DNM3: variants seen among roughly 807,000 people sequenced by gnomAD.
The protein encoded by DNM3 is dynamin 3.
In DNM3, 47 loss-of-function variants were observed where a neutral mutation model predicts 101.6. The ratio of observed to expected loss-of-function variants is 0.46; its 90% CI spans 0.37 to 0.59. DNM3 has a LOEUF of 0.59. Ranked by LOEUF, DNM3 falls within the 20% of genes least tolerant of loss-of-function variation. DNM3 has a pLI of 0.00. For missense variants in DNM3, 849 were observed against 1,085.7 expected (o/e 0.78, Z 3.06); for synonymous variants, 385 against 387.9 (o/e 0.99, Z 0.09).
chr1:172,133,147 C>A, intron 14 of DNM3: 1 of 1,366,254 alleles, frequency 7.3e-7, no homozygotes, highest in South Asian at 1.9e-5. Context: ...TCTGGAGTAG[C>A]TACTGCTGTT....
At position 172,260,258 on chromosome 1, in the gene DNM3, T is replaced by C. The variant is rs114957534; in HGVS notation, c.1769+6576T>C. On this transcript the variant is annotated intron_variant, in intron 15 of 20. Coordinates refer to ENST00000627582, the MANE Select transcript of DNM3 (RefSeq NM_015569.5). The stretch of plus-strand genomic sequence containing the variant: ...TTCTCTTGCTGTTTTTAATTTTTTT[T>C]CTCTTTGTCTTTGATTTTTGAGTTT... 5.7e-3 allele frequency among the ~76,000 whole-genome samples: 866 copies of C among 152,236 alleles called. 7 individuals carry two copies. Among genetic ancestry groups the C allele is most frequent in the African/African-American group, 0.02 (832 of 41,558 alleles).
chr1:171,895,735 T>C (rs1481125253), intron 1 of DNM3, among the ~76,000 whole-genome samples: 2 of 152,214 alleles, frequency 1.3e-5, no homozygotes, highest in Admixed American at 1.3e-4. Context: ...CTGAATGGTA[T>C]TGCCTAGGTT....
chr1:172,030,998 C>A (rs1402040462), intron 4 of DNM3, among the ~76,000 whole-genome samples: 2 of 152,052 alleles, frequency 1.3e-5, no homozygotes, highest in Non-Finnish European at 2.9e-5. Context: ...GTATGGGAAT[C>A]CCTCAAGGAT....
At chr1:172,228,308 G>A (rs1303038441) in intron 14 of DNM3, among the ~76,000 whole-genome samples, 4 of 151,936 alleles carry the variant, frequency 2.6e-5, no homozygotes. Context: ...GGGAAGGGTA[G>A]ATGAGAAGCC....
intron 14 of DNM3, among the ~76,000 whole-genome samples, chr1:172,252,515 T>C (rs990967696): frequency 2.6e-5 from 4 of 152,148 alleles, no homozygotes; most frequent in Admixed American, 1.3e-4. Context: ...TAGTCGTTTA[T>C]TAAAAGTTAT....
chr1:172,081,212 T>A (rs2053119580), intron 11 of DNM3, among the ~76,000 whole-genome samples: 1 of 152,166 alleles, frequency 6.6e-6, no homozygotes, highest in Non-Finnish European at 1.5e-5. Context: ...TTCTCTCACC[T>A]CAGCCTCCAG....
intron 2 of DNM3, among the ~76,000 whole-genome samples, chr1:171,923,282 T>C (rs1220362495): frequency 1.3e-5 from 2 of 152,220 alleles, no homozygotes; most frequent in African/African-American, 4.8e-5. Flanking sequence ...GAGCATCTTT[T>C]CATGTGCTTA....
At chr1:172,375,905 T>A (rs987522772) in intron 17 of DNM3, among the ~76,000 whole-genome samples, 1 of 150,232 alleles carries the variant, frequency 6.7e-6, no homozygotes, top group Non-Finnish European at 1.5e-5. Flanking sequence ...TATGGGAGGA[T>A]CCCTTGAGTT....
chr1:172,225,696 G>A (rs1466863856), intron 14 of DNM3, among the ~76,000 whole-genome samples: 1 of 151,992 alleles, frequency 6.6e-6, no homozygotes, highest in Non-Finnish European at 1.5e-5. Flanking sequence ...GGAGTTTACA[G>A]TGAGGTGTGA....
intron 2 of DNM3, among the ~76,000 whole-genome samples, chr1:171,941,460 C>A (rs924964643): frequency 2.0e-5 from 3 of 152,154 alleles, no homozygotes; most frequent in African/African-American, 4.8e-5. Flanking sequence ...CATACTGCAA[C>A]TGTAGAGTGA....
chr1:172,076,280 C>T (rs1313409453), intron 11 of DNM3, among the ~76,000 whole-genome samples: 1 of 152,164 alleles, frequency 6.6e-6, no homozygotes, highest in Non-Finnish European at 1.5e-5. Context: ...ATTTAACTTC[C>T]TCTCTTTTTA....
chr1:172,212,683 T>G (rs2060554024), intron 14 of DNM3, among the ~76,000 whole-genome samples: 1 of 152,196 alleles, frequency 6.6e-6, no homozygotes, highest in African/African-American at 2.4e-5. Context: ...GTGTTTCAAC[T>G]TATGCTCTTA....
rs1356443844 is a variant in DNM3 at position 172,410,390 on chromosome 1, A to C, written c.*2549A>C. The C allele has an allele frequency of 3.0e-6, 3 of 985,144 alleles. No individual in the cohort carries two copies. Among genetic ancestry groups the C allele is most frequent in the Non-Finnish European group, 3.6e-6 (3 of 829,676 alleles). The allele number at this position is 985,144 out of a possible 1,614,324, so 61.0% of individuals were successfully genotyped here. On this transcript the variant is annotated 3_prime_UTR_variant, in exon 21 of 21. Coordinates refer to ENST00000627582, the MANE Select transcript of DNM3 (RefSeq NM_015569.5). ...AATTTTCTCTTAACTGATTGCTCTG[A>C]TATTGTAAACACAATAGATGTAGCT...
At chr1:172,073,644 C>T (rs929322188) in intron 11 of DNM3, among the ~76,000 whole-genome samples, 5 of 152,104 alleles carry the variant, frequency 3.3e-5, no homozygotes, top group Middle Eastern at 3.2e-3. Flanking sequence ...GACTCTGATG[C>T]GTTCAAATGC....
chr1:171,958,425 C>T (rs1335599766), intron 2 of DNM3, among the ~76,000 whole-genome samples: 3 of 152,026 alleles, frequency 2.0e-5, no homozygotes, highest in African/African-American at 7.3e-5. Flanking sequence ...TTTGGGAGAA[C>T]AAGGAAAAGG....
intron 15 of DNM3, among the ~76,000 whole-genome samples, chr1:172,294,644 G>A (rs1452912075): frequency 6.6e-6 from 1 of 152,090 alleles, no homozygotes; most frequent in African/African-American, 2.4e-5. Flanking sequence ...CAGGTGCAGT[G>A]GCTCAAACCT....
At chr1:172,040,564 A>T (rs916268352) in intron 7 of DNM3, among the ~76,000 whole-genome samples, 5 of 152,048 alleles carry the variant, frequency 3.3e-5, no homozygotes, top group Non-Finnish European at 5.9e-5. Flanking sequence ...ATATTTATTA[A>T]ATCTCCCAAT....
intron 14 of DNM3, among the ~76,000 whole-genome samples, chr1:172,181,413 CAT>C (rs1319000853): frequency 7.6e-4 from 104 of 136,552 alleles, no homozygotes; most frequent in African/African-American, 2.3e-3. Flanking sequence ...CACACACACA[CAT>C]ATTTCTGGTA....
intron 14 of DNM3, among the ~76,000 whole-genome samples, chr1:172,186,327 A>G (rs1315087666): frequency 6.6e-6 from 1 of 151,882 alleles, no homozygotes; most frequent in Non-Finnish European, 1.5e-5. Flanking sequence ...TGACCTAGAG[A>G]GCTGAACAAG....
Sources: gnomAD v4.1 joint callset for allele counts (sites outside exome capture counted in the v4.1 genomes callset) on GRCh38, gnomAD v4.1.1 for gene constraint, MANE v1.5 for transcripts, NCBI Gene and HGNC (gene_info 2026-07-23, HGNC 2026-07-21) for gene names.